The following C8B variants were observed in gnomAD, a reference collection of about 807,000 sequenced individuals.
C8B encodes the protein complement component C8 beta chain.
A neutral mutation model predicts 64.6 loss-of-function variants in C8B; 67 were observed. That is an observed-to-expected ratio of 1.04 (90% CI 0.85 to 1.27). The LOEUF (loss-of-function observed/expected upper bound fraction) is 1.27, where lower values mean the gene tolerates loss of function less well. Ranked by LOEUF, C8B falls within the 50% of genes most tolerant of loss-of-function variation. C8B has a pLI of 0.00. For synonymous variants in C8B, 284 were observed against 257.7 expected, an observed-to-expected ratio of 1.10 and a Z score of -0.98; for missense variants, 790 against 725.2, an observed-to-expected ratio of 1.09 and a Z score of -1.03.
chr1:56,941,647 G>A (rs2101390430), intron 8 of C8B, among the ~76,000 whole-genome samples: 1 of 152,156 alleles, frequency 6.6e-6, no homozygotes, highest in East Asian at 1.9e-4. Flanking sequence ...AATTTTAGGA[G>A]CCCAGCATTA....
intron 2 of C8B, 27 bp from the exon 3 acceptor site, chr1:56,956,937 C>G: frequency 6.2e-7 from 1 of 1,613,654 alleles, no homozygotes. Context: ...CCAGGTGAAC[C>G]AAGGGTAAAG....
At chr1:56,944,459 C>G (rs991958614) in intron 7 of C8B, among the ~76,000 whole-genome samples, 4 of 152,146 alleles carry the variant, frequency 2.6e-5, no homozygotes, top group Admixed American at 1.3e-4. Flanking sequence ...CTTTGACCAC[C>G]AGGGCTGTCT....
intron 6 of C8B, among the ~76,000 whole-genome samples, chr1:56,949,334 C>A (rs927909132): frequency 2.0e-5 from 3 of 152,150 alleles, no homozygotes; most frequent in Non-Finnish European, 2.9e-5. Flanking sequence ...CTGTCTCCTG[C>A]ATGTACTTCC....
chr1:56,940,812 G>C, intron 9 of C8B, 37 bp downstream of exon 9: 2 of 1,613,062 alleles, frequency 1.2e-6, no homozygotes, highest in Non-Finnish European at 1.7e-6. Flanking sequence ...GCTATTTTCT[G>C]GGTGGAGGAA....
intron 5 of C8B, 130 bp downstream of exon 5, chr1:56,951,918 C>T: frequency 1.1e-6 from 1 of 911,878 alleles, no homozygotes; most frequent in Non-Finnish European, 1.7e-6. Context: ...GAAGGAACTG[C>T]CCATTTTCAC....
chr1:56,952,274 T>C, intron 4 of C8B, 94 bp from the exon 5 acceptor site: 3 of 1,551,326 alleles, frequency 1.9e-6, no homozygotes, highest in Non-Finnish European at 2.6e-6. Context: ...AAAAACTCCT[T>C]GGCACAGCCT....
At chr1:56,942,650 G>T (rs537185641) in intron 8 of C8B, among the ~76,000 whole-genome samples, 2 of 152,282 alleles carry the variant, frequency 1.3e-5, no homozygotes, top group African/African-American at 4.8e-5. Context: ...GTTGCAGTGA[G>T]CTGAGGTCAT....
chr1:56,946,162 GT>G, intron 6 of C8B, 101 bp from the exon 7 acceptor site: 2 of 1,368,414 alleles, frequency 1.5e-6, no homozygotes, highest in Non-Finnish European at 1.0e-6. Context: ...TTGGCCTGGG[GT>G]CATCACTCTT....
At chr1:56,944,148 G>C (rs1314259176) in intron 7 of C8B, among the ~76,000 whole-genome samples, 1 of 152,174 alleles carries the variant, frequency 6.6e-6, no homozygotes, top group Non-Finnish European at 1.5e-5. Flanking sequence ...GATCCAGTGA[G>C]TACAGTGACT....
intron 7 of C8B, 68 bp from the exon 8 acceptor site, chr1:56,943,892 G>A (rs559302341): frequency 1.7e-5 from 27 of 1,569,882 alleles, no homozygotes; most frequent in Middle Eastern, 1.7e-4. Context: ...TCCTATGATC[G>A]AGTCCAGAGG....
rs140216178 is a variant in C8B, at chr1:56,956,448, G to A, written c.391+321C>T. Among the ~76,000 whole-genome samples the A allele has an allele frequency of 4.7e-3, 711 of 152,272 alleles. 5 individuals carry two copies. The highest frequency in any genetic ancestry group is 0.016 in the African/African-American group (669 of 41,566). ...TCTGACTCCAGCACACATACTTTTTGTGTCTTTAATGTCAATGAATGTAAT... is the reference window on the plus strand; with the variant it reads ...TCTGACTCCAGCACACATACTTTTTATGTCTTTAATGTCAATGAATGTAAT... On this transcript the variant is annotated intron_variant, in intron 3 of 11. Transcript: ENST00000371237.
chr1:56,951,344 G>A (rs569553071), intron 5 of C8B, among the ~76,000 whole-genome samples: 1 of 152,302 alleles, frequency 6.6e-6, no homozygotes, highest in African/African-American at 2.4e-5. Flanking sequence ...GAGTGGAAAA[G>A]GAACTTAACC....
At chr1:56,950,604 G>C (rs775798410) in intron 5 of C8B, among the ~76,000 whole-genome samples, 2 of 152,150 alleles carry the variant, frequency 1.3e-5, no homozygotes, top group Non-Finnish European at 2.9e-5. Context: ...CAGCTCAGCC[G>C]CTACAAGGGG....
Position 56,933,321 on chromosome 1 carries a change from C to A in C8B, c.1552+14G>T. 4 of 1,611,854 alleles carry A rather than the reference C, an allele frequency of 2.5e-6. No homozygotes were observed. The highest frequency in any genetic ancestry group is 3.4e-6 in the Non-Finnish European group (4 of 1,178,052). Reference sequence around the variant, plus strand: ...TGGCTTCCACCAGGGACACCAGCTGCCTGAAAGTGGTACCTTTCAGGACAG... The same window carrying A: ...TGGCTTCCACCAGGGACACCAGCTGACTGAAAGTGGTACCTTTCAGGACAG... On this transcript the variant is annotated intron_variant, in intron 10 of 11. Coordinates refer to ENST00000371237, the MANE Select transcript of C8B (RefSeq NM_000066.4).
chr1:56,958,537 T>C (rs1370199465), intron 2 of C8B, among the ~76,000 whole-genome samples: 5 of 150,548 alleles, frequency 3.3e-5, no homozygotes, highest in African/African-American at 1.2e-4. Flanking sequence ...AAAGGCAAAG[T>C]GGGTTCCAGG....
intron 4 of C8B, among the ~76,000 whole-genome samples, chr1:56,952,438 G>A (rs907276621): frequency 2.0e-5 from 3 of 152,014 alleles, no homozygotes; most frequent in Non-Finnish European, 2.9e-5. Context: ...TGTTCCCTGC[G>A]CCCAGAATGC....
intron 3 of C8B, among the ~76,000 whole-genome samples, chr1:56,955,721 T>C (rs1645093169): frequency 6.6e-6 from 1 of 152,222 alleles, no homozygotes; most frequent in African/African-American, 2.4e-5. Context: ...AAAAAGTCTC[T>C]CAGATTTATT....
At chr1:56,963,610 C>T (rs1245955231) in intron 1 of C8B, among the ~76,000 whole-genome samples, 1 of 151,866 alleles carries the variant, frequency 6.6e-6, no homozygotes, top group African/African-American at 2.4e-5. Context: ...GAGGGGACAA[C>T]GCATTAGTGA....
At chr1:56,959,448 C>T in intron 2 of C8B, 1 of 868,864 alleles carries the variant, frequency 1.2e-6, no homozygotes. Flanking sequence ...AAAGCTTTCT[C>T]AAAAGAGGCA....
Sources: gnomAD v4.1 joint callset for allele counts (sites outside exome capture counted in the v4.1 genomes callset) on GRCh38, gnomAD v4.1.1 for gene constraint, MANE v1.5 for transcripts, NCBI Gene and HGNC (gene_info 2026-07-23, HGNC 2026-07-21) for gene names.